Variants in EPC2 observed in about 807,000 individuals in gnomAD.
The protein encoded by EPC2 is enhancer of polycomb 2.
EPC2 carries 14 observed loss-of-function variants against 92.1 expected under a neutral mutation model. That is an observed-to-expected ratio of 0.15 (90% CI 0.10 to 0.24). The LOEUF is 0.24. EPC2 is among the 10% of genes least tolerant of loss of function. EPC2 has a pLI of 1.00. For synonymous variants in EPC2, 340 were observed against 334.7 expected (o/e 1.02, Z -0.17); for missense variants, 755 against 971.5 (o/e 0.78, Z 2.96).
In EPC2 at chr2:148,688,342, T is replaced by C. The variant is rs552703440; in HGVS notation, c.154-1872T>C. Among the ~76,000 whole-genome samples the C allele has an allele frequency of 1.3e-4, 19 of 151,798 alleles. No individual in the cohort carries two copies. The South Asian group carries it at 3.7e-3, about 30-fold the overall frequency. On this transcript the variant is annotated intron_variant, in intron 1 of 13. Coordinates refer to ENST00000258484, the MANE Select transcript of EPC2 (RefSeq NM_015630.4). ...ATCAAACACCACATGTGCTCACTCA[T>C]AGGTGGGAATTGAACAGTGAGAACA...
Position 148,771,293 on chromosome 2 carries a change from A to G in EPC2, c.1626A>G (p.Glu542=). 6.2e-7 allele frequency: 1 copy of G among 1,614,014 alleles called. No homozygotes were observed. Among genetic ancestry groups the G allele is most frequent in the Non-Finnish European group, 8.5e-7 (1 of 1,179,872 alleles). The part of the protein sequence containing the change: ...LLNLQDSDSE[E]CTSRKPGQTV... ...ATTTACAGGACAGTGATAGTGAAGA[A>G]TGTACCTCAAGAAAACCAGGGCAGA... The change falls in exon 10 of 14, where the codon GAA becomes GAG. Residue 542 remains glutamate, a synonymous_variant. Transcript: ENST00000258484.
intron 2 of EPC2, among the ~76,000 whole-genome samples, chr2:148,720,625 C>T (rs930278403): frequency 2.6e-5 from 4 of 152,162 alleles, no homozygotes; most frequent in Non-Finnish European, 5.9e-5. Context: ...GCCCTGGTGG[C>T]GTGGACTCAT....
At chr2:148,733,209 G>T (rs1246790452) in intron 2 of EPC2, among the ~76,000 whole-genome samples, 5 of 151,796 alleles carry the variant, frequency 3.3e-5, no homozygotes, top group Non-Finnish European at 7.4e-5. Flanking sequence ...TGGAGAGAGG[G>T]CCTAGAGGAA....
At chr2:148,691,305 A>G (rs1159443947) in intron 2 of EPC2, among the ~76,000 whole-genome samples, 1 of 152,186 alleles carries the variant, frequency 6.6e-6, no homozygotes, top group Admixed American at 6.5e-5. Flanking sequence ...CAGGTGTGTA[A>G]AAAAGAAATG....
chr2:148,693,886 C>G (rs1681689389), intron 2 of EPC2, among the ~76,000 whole-genome samples: 1 of 152,156 alleles, frequency 6.6e-6, no homozygotes, highest in South Asian at 2.1e-4. Flanking sequence ...TGCCCCACCC[C>G]TCCTGTGTCC....
chr2:148,750,130 A>G (rs1342445672), intron 3 of EPC2, among the ~76,000 whole-genome samples: 1 of 152,006 alleles, frequency 6.6e-6, no homozygotes, highest in Non-Finnish European at 1.5e-5. Flanking sequence ...TTATCATTCT[A>G]ATTTCCTTAT....
At chr2:148,763,525 A>C (rs966358387) in intron 6 of EPC2, among the ~76,000 whole-genome samples, 1 of 152,332 alleles carries the variant, frequency 6.6e-6, no homozygotes, top group African/African-American at 2.4e-5. Flanking sequence ...CTCTGTAGCA[A>C]AATTTTTTAA....
At chr2:148,725,663 G>A (rs893650581) in intron 2 of EPC2, among the ~76,000 whole-genome samples, 2 of 152,062 alleles carry the variant, frequency 1.3e-5, no homozygotes, top group Non-Finnish European at 2.9e-5. Flanking sequence ...TGTCTCTTCA[G>A]TCTACTGCTG....
At chr2:148,648,577 CTG>C (rs1330648114) in intron 1 of EPC2, among the ~76,000 whole-genome samples, 1 of 152,152 alleles carries the variant, frequency 6.6e-6, no homozygotes, top group Non-Finnish European at 1.5e-5. Flanking sequence ...TGTCTCTGAA[CTG>C]TGCTGTCCTG....
At chr2:148,671,191 T>C (rs1681145370) in intron 1 of EPC2, among the ~76,000 whole-genome samples, 2 of 152,198 alleles carry the variant, frequency 1.3e-5, no homozygotes, top group African/African-American at 4.8e-5. Context: ...TATTTATTGG[T>C]ACTTGCATAT....
intron 1 of EPC2, among the ~76,000 whole-genome samples, chr2:148,661,487 A>G (rs1680933695): frequency 6.6e-6 from 1 of 152,170 alleles, no homozygotes; most frequent in African/African-American, 2.4e-5. Context: ...CCTTTTCCAA[A>G]TAGTATGCTT....
chr2:148,684,340 G>A (rs1480290300), intron 1 of EPC2, among the ~76,000 whole-genome samples: 2 of 152,252 alleles, frequency 1.3e-5, no homozygotes, highest in Admixed American at 6.5e-5. Context: ...CTTTTGCTGT[G>A]CAGAATCTTT....
chr2:148,745,129 C>G (rs1292223465), intron 3 of EPC2, among the ~76,000 whole-genome samples: 10 of 151,762 alleles, frequency 6.6e-5, no homozygotes, highest in Admixed American at 1.3e-4. Flanking sequence ...GTTGGGAGTT[C>G]TAAAAAAGTA....
At chr2:148,668,371 T>G (rs944741557) in intron 1 of EPC2, among the ~76,000 whole-genome samples, 2 of 152,242 alleles carry the variant, frequency 1.3e-5, no homozygotes, top group African/African-American at 4.8e-5. Flanking sequence ...TGCATTTCAG[T>G]TCATAAATAC....
At chr2:148,720,114 G>A (rs1682339821) in intron 2 of EPC2, among the ~76,000 whole-genome samples, 1 of 152,166 alleles carries the variant, frequency 6.6e-6, no homozygotes, top group Non-Finnish European at 1.5e-5. Context: ...GATAAGAAAG[G>A]TAAGAGCTCT....
At chr2:148,645,294 G>A (rs1400249966) in intron 1 of EPC2, 124 bp downstream of exon 1, 1 of 859,902 alleles carries the variant, frequency 1.2e-6, no homozygotes, top group Non-Finnish European at 1.8e-6. Flanking sequence ...CTAACGCACG[G>A]GACTCTACGC....
chr2:148,678,478 T>G lies in EPC2; in HGVS notation c.154-11736T>G, dbSNP rs140153327. Reference sequence around the variant, plus strand: ...TGGCGCTTGTTGAGGAGGCTCGGGCTGCGCAGGAGCCCATGGAGGGAGTGG... The same window carrying G: ...TGGCGCTTGTTGAGGAGGCTCGGGCGGCGCAGGAGCCCATGGAGGGAGTGG... On this transcript the variant is annotated intron_variant, in intron 1 of 13. Transcript: ENST00000258484. Among the ~76,000 whole-genome samples the G allele has an allele frequency of 7.1e-3, 1,089 of 152,320 alleles. 5 individuals carry two copies. Among genetic ancestry groups the G allele is most frequent in the African/African-American group, 0.025 (1,023 of 41,594 alleles).
intron 2 of EPC2, among the ~76,000 whole-genome samples, chr2:148,698,432 T>G (rs1334627710): frequency 6.6e-6 from 1 of 151,770 alleles, no homozygotes; most frequent in Non-Finnish European, 1.5e-5. Context: ...GGTCAGGAGT[T>G]CAAGACCAGC....
At chr2:148,646,515 A>C (rs1188075728) in intron 1 of EPC2, among the ~76,000 whole-genome samples, 1 of 152,128 alleles carries the variant, frequency 6.6e-6, no homozygotes, top group African/African-American at 2.4e-5. Context: ...TTGTGTGTGC[A>C]TATATATAAA....
Sources: gnomAD v4.1 joint callset for allele counts (sites outside exome capture counted in the v4.1 genomes callset) on GRCh38, gnomAD v4.1.1 for gene constraint, MANE v1.5 for transcripts, NCBI Gene and HGNC (gene_info 2026-07-23, HGNC 2026-07-21) for gene names.